LRP5: variants seen among roughly 807,000 people sequenced by gnomAD.
LRP5 encodes the protein low-density lipoprotein receptor-related protein 5.
A neutral mutation model predicts 154.1 loss-of-function variants in LRP5; 62 were observed. That is an observed-to-expected ratio of 0.40 (90% confidence interval 0.33 to 0.50). The LOEUF (loss-of-function observed/expected upper bound fraction) is 0.50, where lower values mean the gene tolerates loss of function less well. LRP5 is among the 20% of genes least tolerant of loss of function. The probability of loss-of-function intolerance (pLI) is 0.55; values close to 1 mark genes in which losing one functional copy is unlikely to be tolerated. For missense variants in LRP5, 1,915 were observed against 2,336.7 expected, an observed-to-expected ratio of 0.82 and a Z score of 3.72; for synonymous variants, 966 against 1,011.5, an observed-to-expected ratio of 0.96 and a Z score of 0.85.
chr11:68,312,163 C>T (rs2098588376), upstream of LRP5, among the ~76,000 whole-genome samples: 1 of 152,254 alleles, frequency 6.6e-6, no homozygotes, highest in Non-Finnish European at 1.5e-5. Context: ...GGCCACTTCT[C>T]TCCCTGTTCC....
chr11:68,351,261 C>T (rs1182030973), intron 2 of LRP5, among the ~76,000 whole-genome samples: 2 of 152,088 alleles, frequency 1.3e-5, no homozygotes, highest in Non-Finnish European at 2.9e-5. Context: ...CTCGTATGCC[C>T]TCGCTGCCCT....
chr11:68,307,319 T>C, the LRP5 span, among the ~76,000 whole-genome samples: 1 of 151,686 alleles, frequency 6.6e-6, no homozygotes, highest in Non-Finnish European at 1.5e-5. Flanking sequence ...CCCATCTCTA[T>C]AAAAAATTTA....
Position 68,438,496 on chromosome 11 carries a change from G to C in LRP5, c.4162G>C (p.Gly1388Arg). The change falls in exon 20 of 23, where the codon GGG (glycine) becomes CGG (arginine). Residue 1388 changes from glycine to arginine, a missense_variant. By Grantham distance (125) the Gly-to-Arg change is moderately radical. Transcript: ENST00000294304. ...CAGCCCGGCCCACAGCAGTGCCATCGGGCCCGTCATTGGCATCATCCTCTC... is the reference window on the plus strand; with the variant it reads ...CAGCCCGGCCCACAGCAGTGCCATCCGGCCCGTCATTGGCATCATCCTCTC... ...DDSPAHSSAIGPVIGIILSLF... is the reference protein window; with the variant it reads ...DDSPAHSSAIRPVIGIILSLF... 1 of 1,614,236 alleles carries C rather than the reference G, an allele frequency of 6.2e-7. No homozygotes were observed. The highest frequency in any genetic ancestry group is 1.1e-5 in the South Asian group (1 of 91,092).
the LRP5 span, among the ~76,000 whole-genome samples, chr11:68,298,987 A>G: frequency 1.3e-5 from 2 of 152,158 alleles, no homozygotes; most frequent in Non-Finnish European, 2.9e-5. Context: ...GAAGCTGCAC[A>G]ATATTTCCCA....
At chr11:68,354,745 G>T (rs903863635) in intron 2 of LRP5, among the ~76,000 whole-genome samples, 3 of 152,218 alleles carry the variant, frequency 2.0e-5, no homozygotes, top group Non-Finnish European at 4.4e-5. Context: ...GCCGCTCAGC[G>T]CCTGTAACCT....
intron 1 of LRP5, among the ~76,000 whole-genome samples, chr11:68,316,827 G>A (rs2098593675): frequency 6.6e-6 from 1 of 152,252 alleles, no homozygotes; most frequent in Non-Finnish European, 1.5e-5. Context: ...TCAGAGGAGG[G>A]GCCTGGGCCC....
intron 21 of LRP5, among the ~76,000 whole-genome samples, chr11:68,442,711 C>CCCT (rs762573202): frequency 1.3e-5 from 2 of 152,204 alleles, no homozygotes; most frequent in Admixed American, 6.5e-5. Context: ...GTGCACCCTG[C>CCCT]CTAGAGCTCT....
intron 5 of LRP5, among the ~76,000 whole-genome samples, chr11:68,378,874 T>C (rs1348805660): frequency 6.6e-6 from 1 of 151,596 alleles, no homozygotes; most frequent in Non-Finnish European, 1.5e-5. Flanking sequence ...ATGGCGAAAC[T>C]CCATCTCTAC....
intron 1 of LRP5, among the ~76,000 whole-genome samples, chr11:68,337,719 C>T (rs1035044579): frequency 2.0e-5 from 3 of 151,866 alleles, no homozygotes; most frequent in Non-Finnish European, 4.4e-5. Context: ...GTCAGGTCTA[C>T]CTCCTCCAAG....
rs549706905 is a variant in LRP5 at position 68,388,573 on chromosome 11, G to T, written c.1413-1308G>T. Among the ~76,000 whole-genome samples the T allele has an allele frequency of 3.7e-4, 57 of 152,186 alleles. 1 individual carries two copies. Among genetic ancestry groups the T allele is most frequent in the African/African-American group, 1.3e-3 (54 of 41,518 alleles). On this transcript the variant is annotated intron_variant, in intron 6 of 22. Transcript: ENST00000294304. ...CCCTGAGCTGCCACCCCAGGATCTG[G>T]GTTCCCTCCTTGGGGGGCCCCAGGG...
intron 9 of LRP5, among the ~76,000 whole-genome samples, chr11:68,407,922 C>T (rs530052278): frequency 1.3e-5 from 2 of 152,106 alleles, no homozygotes; most frequent in Non-Finnish European, 2.9e-5. Context: ...TTTGTTCTGC[C>T]GAGATGAGTT....
chr11:68,360,072 A>G (rs930040252), intron 3 of LRP5, among the ~76,000 whole-genome samples: 1 of 151,878 alleles, frequency 6.6e-6, no homozygotes, highest in Admixed American at 6.6e-5. Flanking sequence ...TACAGGCGTG[A>G]GCCACCACAC....
At chr11:68,302,625 G>T in the LRP5 span, among the ~76,000 whole-genome samples, 1 of 152,196 alleles carries the variant, frequency 6.6e-6, no homozygotes, top group Non-Finnish European at 1.5e-5. Context: ...AGTGGGTGAG[G>T]CGGGAAGGAG....
chr11:68,324,784 G>C (rs1015345387), intron 1 of LRP5, among the ~76,000 whole-genome samples: 97 of 152,342 alleles, frequency 6.4e-4, no homozygotes, highest in African/African-American at 2.2e-3. Flanking sequence ...AGTGTCGAAG[G>C]CCTTCTTGGA....
At chr11:68,392,519 A>T (rs916837680) in intron 7 of LRP5, among the ~76,000 whole-genome samples, 8 of 152,012 alleles carry the variant, frequency 5.3e-5, no homozygotes, top group Non-Finnish European at 8.8e-5. Context: ...ATAAATAAAT[A>T]AAAAAAATTT....
intron 11 of LRP5, chr11:68,412,878 C>T (rs140599438): frequency 6.7e-5 from 11 of 164,354 alleles, no homozygotes; most frequent in African/African-American, 2.4e-4. Context: ...CTCTCCTACT[C>T]GCCATCTGCA....
At chr11:68,363,527 G>A (rs1199813407) in intron 3 of LRP5, among the ~76,000 whole-genome samples, 2 of 151,958 alleles carry the variant, frequency 1.3e-5, no homozygotes, top group Admixed American at 6.6e-5. Context: ...CGTAGTGGTG[G>A]GCATCAGTGA....
intron 8 of LRP5, 73 bp from the exon 9 acceptor site, chr11:68,406,451 G>T (rs2098655720): frequency 6.7e-7 from 1 of 1,493,978 alleles, no homozygotes; most frequent in Admixed American, 1.7e-5. Flanking sequence ...AGCATTCATT[G>T]TGTGGCTTGG....
chr11:68,422,383 C>T (rs1305286210), intron 13 of LRP5, among the ~76,000 whole-genome samples: 1 of 152,200 alleles, frequency 6.6e-6, no homozygotes. Context: ...GTGGCAGGAG[C>T]CCAGGTGCTC....
Sources: allele counts gnomAD v4.1 joint callset (sites outside exome capture counted in the v4.1 genomes callset), GRCh38; gene constraint gnomAD v4.1.1; transcripts MANE v1.5; gene names NCBI Gene and HGNC (gene_info 2026-07-23, HGNC 2026-07-21).